TMPRSS15: variants seen among roughly 807,000 people sequenced by gnomAD.
The protein encoded by TMPRSS15 is transmembrane serine protease 15, also known as enteropeptidase.
A neutral mutation model predicts 125.3 loss-of-function variants in TMPRSS15; 128 were observed. That is an observed-to-expected ratio of 1.02 (90% CI 0.89 to 1.18). The LOEUF (loss-of-function observed/expected upper bound fraction) is 1.18, where lower values mean the gene tolerates loss of function less well. Ranked by LOEUF, TMPRSS15 falls within the 50% of genes most tolerant of loss-of-function variation. The probability of loss-of-function intolerance (pLI) is 0.00; values close to 1 mark genes in which losing one functional copy is unlikely to be tolerated. For missense variants in TMPRSS15, 1,283 were observed against 1,212.7 expected (o/e 1.06, Z -0.86); for synonymous variants, 446 against 423.2 (o/e 1.05, Z -0.66).
At chr21:18,474,982 G>A (rs935090180) in intron 1 of TMPRSS15, among the ~76,000 whole-genome samples, 2 of 152,120 alleles carry the variant, frequency 1.3e-5, no homozygotes, top group Non-Finnish European at 2.9e-5. Flanking sequence ...ATACAGCTAC[G>A]TGGTCTAGGA....
chr21:18,289,006 A>C (rs10222073), intron 21 of TMPRSS15, among the ~76,000 whole-genome samples: 1 of 151,938 alleles, frequency 6.6e-6, no homozygotes, highest in African/African-American at 2.4e-5. Context: ...TTTTAGGATA[A>C]GTTTAAGAAG....
chr21:18,358,475 T>TA (rs1308579288), intron 8 of TMPRSS15, among the ~76,000 whole-genome samples: 1 of 151,938 alleles, frequency 6.6e-6, no homozygotes, highest in Non-Finnish European at 1.5e-5. Flanking sequence ...ATCATAATTT[T>TA]AAAAAACTGC....
intron 1 of TMPRSS15, among the ~76,000 whole-genome samples, chr21:18,459,771 C>T (rs896142908): frequency 6.6e-6 from 1 of 152,072 alleles, no homozygotes; most frequent in East Asian, 1.9e-4. Flanking sequence ...ATCAATAAAT[C>T]TAAGAAGAAC....
chr21:18,382,111 G>C (rs990942210), intron 4 of TMPRSS15, among the ~76,000 whole-genome samples: 1 of 152,018 alleles, frequency 6.6e-6, no homozygotes, highest in Non-Finnish European at 1.5e-5. Flanking sequence ...CAGACATTAG[G>C]ATCAGACCAC....
At chr21:18,396,773 CAAAAAAA>C (rs766409350) in intron 3 of TMPRSS15, among the ~76,000 whole-genome samples, 1 of 47,786 alleles carries the variant, frequency 2.1e-5, no homozygotes, top group Non-Finnish European at 3.9e-5. Flanking sequence ...GACTCTGTCT[CAAAAAAA>C]AAAAAAAAAA....
At chr21:18,343,862 C>T (rs2075476840) in intron 11 of TMPRSS15, 93 bp downstream of exon 11, 1 of 1,316,298 alleles carries the variant, frequency 7.6e-7, no homozygotes, top group South Asian at 1.2e-5. Context: ...AAAACTTTAG[C>T]CAACATCTTA....
rs150153992 is a variant in TMPRSS15, at chr21:18,443,487, C to T, written c.10+42312G>A. On this transcript the variant is annotated intron_variant, in intron 1 of 7. Coordinates refer to the TMPRSS15 transcript ENST00000422787. Reference sequence around the variant, plus strand: ...AATGAGAGAATCCTCCTGGCATCCCCGGTCTCCCCACTGCACTTCTAGACT... The same window carrying T: ...AATGAGAGAATCCTCCTGGCATCCCTGGTCTCCCCACTGCACTTCTAGACT... Among the ~76,000 whole-genome samples the T allele has an allele frequency of 2.2e-4, 34 of 152,286 alleles. 1 individual carries two copies. Among genetic ancestry groups the T allele is most frequent in the Admixed American group, 1.5e-3 (23 of 15,298 alleles).
intron 1 of TMPRSS15, among the ~76,000 whole-genome samples, chr21:18,459,771 C>A (rs896142908): frequency 8.5e-5 from 13 of 152,072 alleles, no homozygotes; most frequent in Middle Eastern, 3.2e-3. Flanking sequence ...ATCAATAAAT[C>A]TAAGAAGAAC....
intron 16 of TMPRSS15, among the ~76,000 whole-genome samples, chr21:18,319,422 ATTTTTTTTTTT>A (rs35796863): frequency 1.9e-5 from 2 of 105,310 alleles, no homozygotes; most frequent in African/African-American, 7.0e-5. Context: ...TTCTTCACCG[ATTTTTTTTTTT>A]TTTTTTTTTT....
chr21:18,411,210 C>T (rs540673170), intron 1 of TMPRSS15, among the ~76,000 whole-genome samples: 29 of 152,062 alleles, frequency 1.9e-4, no homozygotes, highest in Non-Finnish European at 4.0e-4. Context: ...ATTTTAATTA[C>T]TAAAAAGTGT....
chr21:18,299,832 T>C (rs1046892786), intron 18 of TMPRSS15, among the ~76,000 whole-genome samples: 3 of 152,174 alleles, frequency 2.0e-5, no homozygotes, highest in Admixed American at 6.5e-5. Context: ...ACTTAGCCAG[T>C]AGTCTTAGGC....
chr21:18,463,154 G>C (rs1442578913), intron 1 of TMPRSS15, among the ~76,000 whole-genome samples: 2 of 149,790 alleles, frequency 1.3e-5, no homozygotes, highest in Non-Finnish European at 3.0e-5. Context: ...GACCCATCGG[G>C]GTGCTGTATT....
chr21:18,423,146 T>C (rs1029086177), intron 1 of TMPRSS15, among the ~76,000 whole-genome samples: 12 of 152,184 alleles, frequency 7.9e-5, no homozygotes, highest in African/African-American at 1.2e-4. Context: ...ATATGACTTA[T>C]AGTTTACTCT....
intron 1 of TMPRSS15, among the ~76,000 whole-genome samples, chr21:18,473,346 C>A (rs1489881807): frequency 6.6e-6 from 1 of 151,948 alleles, no homozygotes; most frequent in African/African-American, 2.4e-5. Flanking sequence ...TTTTTCCTTA[C>A]ATTTATTAAT....
intron 13 of TMPRSS15, among the ~76,000 whole-genome samples, chr21:18,336,529 T>C (rs1265685883): frequency 6.6e-6 from 1 of 152,226 alleles, no homozygotes; most frequent in Non-Finnish European, 1.5e-5. Context: ...GTTATAGTGA[T>C]CATTCCTGAT....
At position 18,294,392 on chromosome 21, in the gene TMPRSS15, T is replaced by A. The variant is rs1461830789; in HGVS notation, c.2364A>T (p.Gly788=). The change falls in exon 21 of 25, where the codon GGA becomes GGT. Residue 788 remains glycine, a synonymous_variant. Coordinates refer to ENST00000284885, the MANE Select transcript of TMPRSS15 (RefSeq NM_002772.3). ...AQDITPKIVG[G]SNAKEGAWPW... ...GCCAGGCCCCTTCTTTGGCATTACT[T>A]CCTCCAACAATCTTTGGGGTGATGT... 5 of 1,614,126 alleles carry A rather than the reference T, an allele frequency of 3.1e-6. No homozygotes were observed. The highest frequency in any genetic ancestry group is 1.3e-5 in the African/African-American group (1 of 74,946).
At chr21:18,338,337 G>T (rs1329084008) in intron 13 of TMPRSS15, among the ~76,000 whole-genome samples, 1 of 151,908 alleles carries the variant, frequency 6.6e-6, no homozygotes, top group Non-Finnish European at 1.5e-5. Flanking sequence ...CTAGCAAAAA[G>T]AATTATCAAG....
At chr21:18,318,508 A>G (rs1471073356) in intron 16 of TMPRSS15, among the ~76,000 whole-genome samples, 1 of 152,210 alleles carries the variant, frequency 6.6e-6, no homozygotes, top group Non-Finnish European at 1.5e-5. Context: ...AACAAAGACA[A>G]TATTTCCACC....
intron 5 of TMPRSS15, among the ~76,000 whole-genome samples, chr21:18,375,306 A>C (rs2075831805): frequency 6.6e-6 from 1 of 152,200 alleles, no homozygotes; most frequent in Non-Finnish European, 1.5e-5. Flanking sequence ...AAAAATCATC[A>C]ATTAAAACAT....
Sources: allele counts gnomAD v4.1 joint callset (sites outside exome capture counted in the v4.1 genomes callset), GRCh38; gene constraint gnomAD v4.1.1; transcripts MANE v1.5; gene names NCBI Gene and HGNC (gene_info 2026-07-23, HGNC 2026-07-21).